The following PCNX1 variants were observed in gnomAD, a reference collection of about 807,000 sequenced individuals.
PCNX1 encodes the protein pecanex-like protein 1.
Under a neutral mutation model 242.2 loss-of-function variants are expected in PCNX1, and 78 were observed. The observed-to-expected ratio is 0.32, with a 90% CI of 0.27 to 0.39. The LOEUF is 0.39. Ranked by LOEUF, PCNX1 falls within the 10% of genes least tolerant of loss-of-function variation. The pLI is 1.00. For missense variants in PCNX1, 2,581 were observed against 2,856.5 expected (o/e 0.90, Z 2.20); for synonymous variants, 1,024 against 1,032.9 (o/e 0.99, Z 0.17).
At chr14:70,908,102 C>A in intron 1 of PCNX1, 99 bp downstream of exon 1, 1 of 1,158,884 alleles carries the variant, frequency 8.6e-7, no homozygotes, top group Non-Finnish European at 1.2e-6. Flanking sequence ...TCTCGTCCCC[C>A]GGGGGCCGCC....
chr14:71,020,251 A>G (rs2060065143), intron 12 of PCNX1, among the ~76,000 whole-genome samples: 1 of 152,226 alleles, frequency 6.6e-6, no homozygotes, highest in African/African-American at 2.4e-5. Flanking sequence ...ATACGTGTGC[A>G]TGTGTCTTTA....
chr14:71,105,045 C>T (rs915616946), intron 32 of PCNX1, among the ~76,000 whole-genome samples, 190 bp from the exon 33 acceptor site: 38 of 152,156 alleles, frequency 2.5e-4, no homozygotes, highest in East Asian at 1.9e-4. Context: ...GTGAATATGA[C>T]GGGTATAGTT....
chr14:71,051,098 G>A (rs2141172997), intron 23 of PCNX1, among the ~76,000 whole-genome samples: 1 of 145,688 alleles, frequency 6.9e-6, no homozygotes, highest in South Asian at 2.2e-4. Context: ...AATCCAGGAG[G>A]TAGAGGTTGC....
intron 30 of PCNX1, among the ~76,000 whole-genome samples, chr14:71,089,647 A>G (rs559965797): frequency 6.6e-6 from 1 of 152,336 alleles, no homozygotes; most frequent in African/African-American, 2.4e-5. Context: ...ACTCGCTATC[A>G]TGAGAACAGC....
intron 1 of PCNX1, among the ~76,000 whole-genome samples, chr14:70,933,339 T>C (rs767645842): frequency 3.9e-5 from 6 of 152,196 alleles, no homozygotes; most frequent in Non-Finnish European, 8.8e-5. Flanking sequence ...GAAAATAATT[T>C]TTCATTTAGA....
intron 8 of PCNX1, among the ~76,000 whole-genome samples, chr14:71,001,764 A>C (rs1441746455): frequency 7.2e-5 from 11 of 152,224 alleles, no homozygotes; most frequent in Non-Finnish European, 2.9e-5. Flanking sequence ...AAATCATTGA[A>C]ATGAAAGAGA....
At chr14:71,031,472 C>A (rs1167849486) in intron 16 of PCNX1, among the ~76,000 whole-genome samples, 1 of 152,160 alleles carries the variant, frequency 6.6e-6, no homozygotes, top group Admixed American at 6.5e-5. Context: ...TCCTTCCTGC[C>A]CTCCCATTCT....
chr14:71,109,527 A>T lies in PCNX1; in HGVS notation c.6820A>T (p.Ile2274Phe), dbSNP rs1448227780. 6.2e-7 allele frequency: 1 copy of T among 1,614,076 alleles called. No homozygotes were observed. The highest frequency in any genetic ancestry group is 2.2e-5 in the East Asian group (1 of 44,882). The change falls in exon 35 of 36, where the codon ATC becomes TTC. Residue 2274 changes from isoleucine (I) to phenylalanine (F), a missense_variant. This residue lies in a region of PCNX1 where 432 missense variants were observed against 433.6 expected (regional missense o/e 1.00). Transcript: ENST00000304743. ...RKELQWPDEG[I>F]RLKAGRNSWK... ...AGAGCTACAGTGGCCTGATGAAGGAATCCGGTTAAAAGCTGGGAGAAATAG... is the reference window on the plus strand; with the variant it reads ...AGAGCTACAGTGGCCTGATGAAGGATTCCGGTTAAAAGCTGGGAGAAATAG...
chr14:71,063,526 T>G (rs2061374176), intron 26 of PCNX1, among the ~76,000 whole-genome samples: 1 of 152,188 alleles, frequency 6.6e-6, no homozygotes, highest in Non-Finnish European at 1.5e-5. Context: ...ATTCCAGAGC[T>G]CTCATGAGGG....
intron 28 of PCNX1, among the ~76,000 whole-genome samples, chr14:71,076,877 T>C (rs557303510): frequency 6.6e-6 from 1 of 152,364 alleles, no homozygotes; most frequent in African/African-American, 2.4e-5. Flanking sequence ...GTGAAACACA[T>C]GAAATGTGGC....
intron 19 of PCNX1, among the ~76,000 whole-genome samples, chr14:71,041,550 C>G (rs1430210167): frequency 6.6e-6 from 1 of 152,028 alleles, no homozygotes; most frequent in African/African-American, 2.4e-5. Flanking sequence ...GTAATATCTC[C>G]TTTTTCATCT....
At chr14:71,044,022 C>G (rs1240084055) in intron 19 of PCNX1, among the ~76,000 whole-genome samples, 1 of 152,120 alleles carries the variant, frequency 6.6e-6, no homozygotes, top group African/African-American at 2.4e-5. Context: ...GTTGATTGGA[C>G]AGGATGCTTT....
intron 28 of PCNX1, among the ~76,000 whole-genome samples, chr14:71,076,623 C>T (rs932521256): frequency 6.6e-6 from 1 of 152,196 alleles, no homozygotes; most frequent in Non-Finnish European, 1.5e-5. Flanking sequence ...CTCTTTCTTT[C>T]ATTTGCAGTG....
rs1477292717 is a variant in PCNX1, at chr14:71,050,779, T to C, written c.4447+19T>C. 3 of 1,606,908 alleles carry C rather than the reference T, an allele frequency of 1.9e-6. No homozygotes were observed. Among genetic ancestry groups the C allele is most frequent in the Non-Finnish European group, 2.5e-6 (3 of 1,176,998 alleles). On this transcript the variant is annotated intron_variant, in intron 23 of 35. Transcript: ENST00000304743. ...GTGCCTCGTATCCTTCTAATTAAAG[T>C]TTTATAAGAATGGACAGTCATATCC... is the stretch of plus-strand genomic sequence containing the variant.
intron 1 of PCNX1, among the ~76,000 whole-genome samples, chr14:70,917,888 A>G (rs933547927): frequency 6.6e-6 from 1 of 152,232 alleles, no homozygotes; most frequent in African/African-American, 2.4e-5. Flanking sequence ...TGTAGCCACC[A>G]TCAGTGATCT....
Position 70,988,647 on chromosome 14 carries a change from A to G in PCNX1, c.2392A>G (p.Asn798Asp), listed in dbSNP as rs745973201. The G allele has an allele frequency of 2.5e-6, 4 of 1,614,084 alleles. No homozygotes were observed. Among genetic ancestry groups the G allele is most frequent in the African/African-American group, 2.7e-5 (2 of 75,038 alleles). ...FRRQAVRRRH[N>D]AGSNPTPPTL... ...GCGCCAGGCAGTACGGCGCCGGCAC[A>G]ATGCAGGGAGTAACCCTACCCCTCC... is the stretch of plus-strand genomic sequence containing the variant. Residue 798 changes from asparagine to aspartate, a missense_variant, in exon 7 of 36, where the codon AAT becomes GAT. Coordinates refer to ENST00000304743, the MANE Select transcript of PCNX1 (RefSeq NM_014982.3).
intron 21 of PCNX1, among the ~76,000 whole-genome samples, chr14:71,047,373 A>G (rs1333149637): frequency 6.6e-6 from 1 of 152,088 alleles, no homozygotes; most frequent in Non-Finnish European, 1.5e-5. Flanking sequence ...TTATGTGGCT[A>G]TTTTGATGCA....
intron 1 of PCNX1, among the ~76,000 whole-genome samples, chr14:70,910,855 T>C (rs1193754264): frequency 6.6e-6 from 1 of 152,172 alleles, no homozygotes; most frequent in Non-Finnish European, 1.5e-5. Context: ...GCTTCTGCTT[T>C]CAAGGAACTT....
At chr14:71,008,670 A>G (rs1044501732) in intron 8 of PCNX1, among the ~76,000 whole-genome samples, 2 of 150,976 alleles carry the variant, frequency 1.3e-5, no homozygotes, top group Non-Finnish European at 3.0e-5. Flanking sequence ...AAAAAAAAAA[A>G]AAAAAAAAAA....
Sources: allele counts gnomAD v4.1 joint callset (sites outside exome capture counted in the v4.1 genomes callset), GRCh38; gene constraint gnomAD v4.1.1; regional missense constraint gnomAD v4.1.1; transcripts MANE v1.5; gene names NCBI Gene and HGNC (gene_info 2026-07-23, HGNC 2026-07-21).